STARD9: variants seen among roughly 807,000 people sequenced by gnomAD.
STARD9 encodes stAR-related lipid transfer protein 9.
A neutral mutation model predicts 399.8 loss-of-function variants in STARD9; 346 were observed. The ratio of observed to expected loss-of-function variants is 0.87; its 90% CI spans 0.79 to 0.95. STARD9 has a LOEUF of 0.95. STARD9 is among the 40% of genes least tolerant of loss of function. The pLI is 0.00. For missense variants in STARD9, 5,832 were observed against 5,667.5 expected (o/e 1.03, Z -0.93); for synonymous variants, 2,203 against 2,143.5 (o/e 1.03, Z -0.77).
chr15:42,622,732 C>G (rs2059116747), intron 3 of STARD9, among the ~76,000 whole-genome samples: 1 of 152,068 alleles, frequency 6.6e-6, no homozygotes, highest in South Asian at 2.1e-4. Context: ...AATGGAAGTA[C>G]AAAGATTTTT....
intron 3 of STARD9, among the ~76,000 whole-genome samples, chr15:42,627,616 C>G (rs1332423695): frequency 6.6e-6 from 1 of 152,204 alleles, no homozygotes; most frequent in Non-Finnish European, 1.5e-5. Context: ...TTCCCAGCCT[C>G]TGGTAACCAT....
At chr15:42,589,423 T>A (rs2058350540) in intron 3 of STARD9, among the ~76,000 whole-genome samples, 1 of 152,074 alleles carries the variant, frequency 6.6e-6, no homozygotes, top group South Asian at 2.1e-4. Context: ...TACAAAATAG[T>A]CTATCATCCC....
intron 7 of STARD9, among the ~76,000 whole-genome samples, chr15:42,646,663 G>C (rs778806352): frequency 1.3e-4 from 20 of 152,212 alleles, no homozygotes; most frequent in Non-Finnish European, 2.6e-4. Context: ...CTTCATATCA[G>C]CAAGAAGGCT....
intron 3 of STARD9, among the ~76,000 whole-genome samples, chr15:42,598,890 A>G (rs1359732044): frequency 6.6e-6 from 1 of 151,964 alleles, no homozygotes; most frequent in Non-Finnish European, 1.5e-5. Context: ...ATACATTGCT[A>G]TATATATTTG....
intron 3 of STARD9, among the ~76,000 whole-genome samples, chr15:42,626,306 TTCCTCTTCCTCTTCTTCC>T (rs1208103419): frequency 7.7e-5 from 9 of 117,120 alleles, no homozygotes; most frequent in Non-Finnish European, 1.3e-4. Context: ...CCTCCCCTTC[TTCCTCTTCCTCTTCTTCC>T]TCCTCTTCCT....
chr15:42,672,282 A>AG (rs1286802191), intron 16 of STARD9: 1 of 152,258 alleles, frequency 6.6e-6, no homozygotes, highest in African/African-American at 2.4e-5. Flanking sequence ...AGGGAAGGAC[A>AG]GGGAGAGCCC....
intron 3 of STARD9, among the ~76,000 whole-genome samples, chr15:42,627,363 A>T (rs1308518238): frequency 1.3e-5 from 2 of 152,228 alleles, no homozygotes; most frequent in Non-Finnish European, 2.9e-5. Flanking sequence ...AGATATTTTG[A>T]TACAGGCATA....
At chr15:42,580,554 G>A (rs2058145972) in intron 1 of STARD9, among the ~76,000 whole-genome samples, 3 of 152,074 alleles carry the variant, frequency 2.0e-5, no homozygotes, top group Middle Eastern at 3.4e-3. Flanking sequence ...GGTGGCTCAC[G>A]CCTGTAATCC....
At chr15:42,580,116 T>TA (rs1340979487) in intron 1 of STARD9, among the ~76,000 whole-genome samples, 1 of 152,170 alleles carries the variant, frequency 6.6e-6, no homozygotes, top group Non-Finnish European at 1.5e-5. Context: ...ACAAATGTGC[T>TA]AAGTAAAAGA....
chr15:42,715,246 C>A (rs2061329141), intron 26 of STARD9, among the ~76,000 whole-genome samples: 1 of 152,180 alleles, frequency 6.6e-6, no homozygotes, highest in Admixed American at 6.5e-5. Context: ...ACCTTGGTGA[C>A]TGCTGTTTGG....
In STARD9 at chr15:42,689,919, C is replaced by T; in HGVS notation, c.8341C>T (p.Pro2781Ser). ...GIPPGSQDSS[P>S]EHQEPRTLDT... The stretch of plus-strand genomic sequence containing the variant: ...ACCCCCTGGCAGTCAGGACAGCAGC[C>T]CAGAGCATCAGGAACCCAGAACTCT... Residue 2781 changes from proline to serine, a missense_variant, in exon 23 of 33, where the codon CCA (proline) becomes TCA (serine). Physicochemically the swap from Pro to Ser is moderately conservative, Grantham distance 74 (BLOSUM62 -1). This residue lies in a region of STARD9 where 5,828 missense variants were observed against 5,651.1 expected (regional missense o/e 1.03). Coordinates refer to ENST00000290607, the MANE Select transcript of STARD9 (RefSeq NM_020759.3). 1 of 1,537,636 alleles carries T rather than the reference C, an allele frequency of 6.5e-7. No individual in the cohort carries two copies. The highest frequency in any genetic ancestry group is 1.2e-5 in the South Asian group (1 of 84,060).
chr15:42,657,986 C>T (rs1206111962), intron 9 of STARD9, among the ~76,000 whole-genome samples: 1 of 152,160 alleles, frequency 6.6e-6, no homozygotes, highest in Non-Finnish European at 1.5e-5. Flanking sequence ...AATCATAGCT[C>T]TAAATGGGAA....
chr15:42,668,225 T>G (rs962161602), intron 15 of STARD9, among the ~76,000 whole-genome samples: 1 of 152,160 alleles, frequency 6.6e-6, no homozygotes, highest in Non-Finnish European at 1.5e-5. Flanking sequence ...AACCCAGCCC[T>G]TTACAGGTAC....
chr15:42,577,886 A>G (rs2058089349), intron 1 of STARD9, among the ~76,000 whole-genome samples: 1 of 152,210 alleles, frequency 6.6e-6, no homozygotes, highest in Non-Finnish European at 1.5e-5. Flanking sequence ...GTTGACAGTC[A>G]TTGGATCTGA....
intron 28 of STARD9, 94 bp downstream of exon 28, chr15:42,717,142 G>A: frequency 7.1e-7 from 1 of 1,405,144 alleles, no homozygotes; most frequent in South Asian, 1.3e-5. Context: ...CTGGGCAGAT[G>A]AGGAGCCCAA....
chr15:42,705,245 C>T (rs2140354047), intron 26 of STARD9, among the ~76,000 whole-genome samples: 1 of 152,312 alleles, frequency 6.6e-6, no homozygotes, highest in African/African-American at 2.4e-5. Flanking sequence ...TGAGACTGTC[C>T]TTCCTATTAT....
At chr15:42,652,483 C>T (rs1474855268) in intron 8 of STARD9, 37 bp from the exon 9 acceptor site, 4 of 1,514,278 alleles carry the variant, frequency 2.6e-6, no homozygotes, top group Middle Eastern at 1.7e-4. Context: ...CATGTGTAAA[C>T]AATCCTCGTC....
At chr15:42,713,926 T>G (rs950733335) in intron 26 of STARD9, among the ~76,000 whole-genome samples, 5 of 152,278 alleles carry the variant, frequency 3.3e-5, no homozygotes, top group African/African-American at 1.2e-4. Context: ...CCCTCCTGAT[T>G]TTTGGAAGAA....
chr15:42,665,049 T>C (rs1412996768), intron 13 of STARD9, among the ~76,000 whole-genome samples: 1 of 152,088 alleles, frequency 6.6e-6, no homozygotes. Context: ...ATTTATTTGG[T>C]CTGGGGTGGG....
Sources: gnomAD v4.1 joint callset for allele counts (sites outside exome capture counted in the v4.1 genomes callset) on GRCh38, gnomAD v4.1.1 for gene constraint, gnomAD v4.1.1 regional missense constraint, MANE v1.5 for transcripts, NCBI Gene and HGNC (gene_info 2026-07-23, HGNC 2026-07-21) for gene names.